Variants in KATNIP observed in about 807,000 individuals in gnomAD.
The protein encoded by KATNIP is katanin interacting protein.
Under a neutral mutation model 174.0 loss-of-function variants are expected in KATNIP, and 126 were observed. The observed-to-expected ratio is 0.72, with a 90% CI of 0.63 to 0.84. KATNIP has a LOEUF of 0.84. Ranked by LOEUF, KATNIP falls within the 40% of genes least tolerant of loss-of-function variation. The pLI is 0.00. For missense variants in KATNIP, 1,958 were observed against 2,109.7 expected, an observed-to-expected ratio of 0.93 and a Z score of 1.41; for synonymous variants, 810 against 835.7, an observed-to-expected ratio of 0.97 and a Z score of 0.53.
At chr16:27,681,665 A>T in intron 8 of KATNIP, 135 bp downstream of exon 8, 1 of 924,482 alleles carries the variant, frequency 1.1e-6, no homozygotes, top group Non-Finnish European at 1.7e-6. Flanking sequence ...TGTATTAGTC[A>T]GGGGTCTGCA....
chr16:27,734,395 TAA>T (rs34449454), intron 14 of KATNIP, among the ~76,000 whole-genome samples: 1,349 of 113,742 alleles, frequency 0.012, 18 homozygotes, highest in African/African-American at 0.041. Context: ...GGGACTTATT[TAA>T]AAAAAAAAAA....
chr16:27,773,230 G>A lies in KATNIP; in HGVS notation c.4309+21G>A, dbSNP rs144044128. ...AAACAGTATCCTTTGTAGGACAGGAGTGGGCTCCACCCAGACTGAAGGGAG... is the reference window on the plus strand; with the variant it reads ...AAACAGTATCCTTTGTAGGACAGGAATGGGCTCCACCCAGACTGAAGGGAG... On this transcript the variant is annotated intron_variant, in intron 23 of 27. Transcript: ENST00000261588. The A allele has an allele frequency of 3.8e-4, 578 of 1,526,326 alleles. No homozygotes were observed. The African/African-American group carries it at 5.4e-3, about 14-fold the overall frequency. The allele number at this position is 1,526,326 out of a possible 1,614,324, so 94.5% of individuals were successfully genotyped here.
At chr16:27,643,977 C>T (rs1294096417) in intron 5 of KATNIP, among the ~76,000 whole-genome samples, 1 of 147,874 alleles carries the variant, frequency 6.8e-6, no homozygotes. Context: ...ATTGCTTTTT[C>T]TAGGGCCAAT....
At position 27,775,292 on chromosome 16, in the gene KATNIP, T is replaced by G. The variant is rs2287787; in HGVS notation, c.4449+208T>G. Among the ~76,000 whole-genome samples the G allele has an allele frequency of 0.23, 35,341 of 152,142 alleles. 4,984 individuals carry two copies. The highest frequency in any genetic ancestry group is 0.4 in the African/African-American group (16,604 of 41,500). Reference sequence around the variant, plus strand: ...CCAGCAGTTCTTTCTCTTTTATAAGTGGACACCTGGGGCGAAAGGGGTCCC... The same window carrying G: ...CCAGCAGTTCTTTCTCTTTTATAAGGGGACACCTGGGGCGAAAGGGGTCCC... On this transcript the variant is annotated intron_variant, in intron 24 of 27. Transcript: ENST00000261588.
intron 2 of KATNIP, among the ~76,000 whole-genome samples, chr16:27,595,785 C>T (rs191901021): frequency 2.6e-5 from 4 of 152,134 alleles, no homozygotes; most frequent in East Asian, 1.9e-4. Flanking sequence ...CTGGGGACAA[C>T]GGAGGAGGGA....
At chr16:27,550,581 G>A (rs1383508183) in intron 1 of KATNIP, among the ~76,000 whole-genome samples, 2 of 152,154 alleles carry the variant, frequency 1.3e-5, no homozygotes, top group African/African-American at 4.8e-5. Context: ...TTGGTGTGGG[G>A]GGTGAAGGGA....
rs151214588 is a variant in KATNIP at position 27,777,526 on chromosome 16, GGCTCAGAGCAGTAAC to G, written c.4552-81_4552-67del. 2.1e-3 allele frequency: 2,827 copies of G among 1,346,270 alleles called. 48 individuals are homozygous for G. In the African/African-American group the frequency reaches 0.038, roughly 18 times the overall value. The allele number at this position is 1,346,270 out of a possible 1,614,324, so 83.4% of individuals were successfully genotyped here. A position where few individuals can be genotyped will look rare whatever the true frequency, so the allele number is the denominator to read the frequency against. On this transcript the variant is annotated intron_variant, in intron 25 of 27. Coordinates refer to ENST00000261588, the MANE Select transcript of KATNIP (RefSeq NM_015202.5). The surrounding 1 kb of genome is among the most constrained non-coding windows in gnomAD (Gnocchi z 4.4). The stretch of plus-strand genomic sequence containing the variant: ...CCCGTCTTCCCGAGGAGAAAGCCTT[GGCTCAGAGCAGTAAC>G]GCGTTCTGCCCAAGGTCAACGTGGG...
At chr16:27,734,101 G>A (rs974594425) in intron 14 of KATNIP, among the ~76,000 whole-genome samples, 1 of 151,636 alleles carries the variant, frequency 6.6e-6, no homozygotes, top group Non-Finnish European at 1.5e-5. Flanking sequence ...TTTCTTTTTT[G>A]AGACAGAGTT....
At chr16:27,550,875 A>T (rs1178629650) in intron 1 of KATNIP, among the ~76,000 whole-genome samples, 1 of 152,090 alleles carries the variant, frequency 6.6e-6, no homozygotes, top group African/African-American at 2.4e-5. Flanking sequence ...TGAGATTTGG[A>T]CCGGTTTTGA....
At chr16:27,682,310 C>A (rs539928423) in intron 8 of KATNIP, among the ~76,000 whole-genome samples, 180 of 152,334 alleles carry the variant, frequency 1.2e-3, no homozygotes, top group Non-Finnish European at 1.8e-3. Context: ...ATCCTTATAA[C>A]TAGACTTTAA....
intron 8 of KATNIP, among the ~76,000 whole-genome samples, chr16:27,683,619 C>G (rs1159627127): frequency 6.6e-6 from 1 of 152,144 alleles, no homozygotes; most frequent in Non-Finnish European, 1.5e-5. Context: ...CCAAATAGAA[C>G]ATGAAAGATG....
rs753490540 is a variant in KATNIP, at chr16:27,751,757, G to C, written c.3385G>C (p.Asp1129His). Residue 1129 changes from aspartate to histidine, a missense_variant, in exon 17 of 28, where the codon GAT becomes CAT. Physicochemically the swap from Asp to His is moderately conservative, Grantham distance 81. Around this residue, in one of 3 missense-constraint regions of KATNIP, gnomAD observed 1,557 missense variants for 1,617.8 expected, o/e 0.96. Coordinates refer to ENST00000261588, the MANE Select transcript of KATNIP (RefSeq NM_015202.5). Reference protein sequence around the residue: ...HFGDTILFTTDDDILEAIFYS... With the variant: ...HFGDTILFTTHDDILEAIFYS... ...TGGAGACACGATCTTATTCACAACC[G>C]ATGATGACATTCTCGAGGCCATATT... 1 of 1,614,228 alleles carries C rather than the reference G, an allele frequency of 6.2e-7. No individual in the cohort carries two copies. Among genetic ancestry groups the C allele is most frequent in the Non-Finnish European group, 8.5e-7 (1 of 1,180,044 alleles).
At chr16:27,721,435 C>G (rs1243300891) in intron 13 of KATNIP, 123 bp from the exon 14 acceptor site, 1 of 1,148,454 alleles carries the variant, frequency 8.7e-7, no homozygotes, top group Non-Finnish European at 1.3e-6. Flanking sequence ...GGTGGCCTGG[C>G]TGTCTGCCCT....
chr16:27,682,268 A>G (rs569413064), intron 8 of KATNIP, among the ~76,000 whole-genome samples: 2 of 152,228 alleles, frequency 1.3e-5, no homozygotes, highest in Non-Finnish European at 2.9e-5. Context: ...CCCAGCCACT[A>G]TCGTAAGCTT....
At chr16:27,589,168 G>T (rs1485714182) in intron 2 of KATNIP, among the ~76,000 whole-genome samples, 1 of 151,714 alleles carries the variant, frequency 6.6e-6, no homozygotes, top group African/African-American at 2.4e-5. Context: ...GGCCTCCCAA[G>T]GTGCTGGGAT....
chr16:27,670,301 G>T (rs927596515), intron 6 of KATNIP, among the ~76,000 whole-genome samples: 7 of 152,182 alleles, frequency 4.6e-5, no homozygotes, highest in Admixed American at 4.6e-4. Flanking sequence ...TTATAGCATT[G>T]CATTCTGGTC....
At chr16:27,601,851 A>G (rs760881899) in intron 2 of KATNIP, among the ~76,000 whole-genome samples, 3 of 152,028 alleles carry the variant, frequency 2.0e-5, no homozygotes, top group Non-Finnish European at 4.4e-5. Flanking sequence ...ATGATCATCT[A>G]CTCAGACAGC....
At chr16:27,616,819 G>GC (rs1195809210) in intron 2 of KATNIP, among the ~76,000 whole-genome samples, 1 of 142,230 alleles carries the variant, frequency 7.0e-6, no homozygotes, top group East Asian at 2.1e-4. Flanking sequence ...AGAGGCCAAG[G>GC]CAGGAGGATC....
intron 2 of KATNIP, among the ~76,000 whole-genome samples, chr16:27,576,265 G>A (rs780177653): frequency 6.6e-6 from 1 of 152,114 alleles, no homozygotes; most frequent in African/African-American, 2.4e-5. Context: ...TCGCCCGAGA[G>A]CATTTCAGAT....
Sources: gnomAD v4.1 joint callset for allele counts (sites outside exome capture counted in the v4.1 genomes callset) on GRCh38, gnomAD v4.1.1 for gene constraint, gnomAD v4.1.1 regional missense constraint, Gnocchi (gnomAD v3.1) non-coding constraint, MANE v1.5 for transcripts, NCBI Gene and HGNC (gene_info 2026-07-23, HGNC 2026-07-21) for gene names.